Variants in NKAIN3 observed in about 807,000 individuals in gnomAD.
The protein encoded by NKAIN3 is sodium/potassium-transporting ATPase subunit beta-1-interacting protein 3.
In NKAIN3, 25 loss-of-function variants were observed where a neutral mutation model predicts 30.2. The ratio of observed to expected loss-of-function variants is 0.83; its 90% CI spans 0.60 to 1.16. The LOEUF (loss-of-function observed/expected upper bound fraction) is 1.16, where lower values mean the gene tolerates loss of function less well. NKAIN3 is among the 50% of genes most tolerant of loss of function. NKAIN3 has a pLI of 0.00. For synonymous variants in NKAIN3, 91 were observed against 89.6 expected, an observed-to-expected ratio of 1.02 and a Z score of -0.09; for missense variants, 225 against 254.1, an observed-to-expected ratio of 0.89 and a Z score of 0.78.
chr8:62,742,798 G>A (rs914415318), intron 3 of NKAIN3, among the ~76,000 whole-genome samples: 2 of 152,160 alleles, frequency 1.3e-5, no homozygotes, highest in Admixed American at 1.3e-4. Flanking sequence ...TGCTAATAAA[G>A]ACATTCTAGA....
intron 1 of NKAIN3, among the ~76,000 whole-genome samples, chr8:62,528,604 G>A (rs1018072421): frequency 6.6e-6 from 1 of 151,808 alleles, no homozygotes; most frequent in Non-Finnish European, 1.5e-5. Context: ...TAGACATCTT[G>A]TAACCAGGAG....
chr8:62,901,656 G>A (rs189400597), intron 4 of NKAIN3, among the ~76,000 whole-genome samples: 99 of 152,246 alleles, frequency 6.5e-4, no homozygotes, highest in African/African-American at 2.2e-3. Flanking sequence ...GGACTTTTAC[G>A]TACGTCCCGC....
At chr8:62,518,885 C>T (rs186338485) in intron 1 of NKAIN3, among the ~76,000 whole-genome samples, 62 of 152,140 alleles carry the variant, frequency 4.1e-4, no homozygotes, top group African/African-American at 1.3e-3. Flanking sequence ...TTAGAAGTGG[C>T]GTTAATGCCT....
intron 5 of NKAIN3, among the ~76,000 whole-genome samples, chr8:62,943,060 C>T (rs1285669390): frequency 6.6e-6 from 1 of 152,106 alleles, no homozygotes; most frequent in Non-Finnish European, 1.5e-5. Context: ...TAAAAAGTTT[C>T]TTCACAGCAA....
intron 3 of NKAIN3, among the ~76,000 whole-genome samples, chr8:62,612,854 T>C (rs1811337721): frequency 6.6e-6 from 1 of 152,122 alleles, no homozygotes; most frequent in African/African-American, 2.4e-5. Flanking sequence ...GATAACAACT[T>C]AATACTATTT....
At position 62,984,582 on chromosome 8, in the gene NKAIN3, T is replaced by G. The variant is rs1030784932; in HGVS notation, c.*19175T>G. 6.6e-6 allele frequency: 1 copy of G among 152,218 alleles called. No homozygotes were observed. Among genetic ancestry groups the G allele is most frequent in the Admixed American group, 6.5e-5 (1 of 15,280 alleles). 9.4% of individuals were successfully genotyped at this position (152,218 alleles called of 1,614,324 possible). A position where few individuals can be genotyped will look rare whatever the true frequency, so the allele number is the denominator to read the frequency against. The stretch of plus-strand genomic sequence containing the variant: ...AACTTCTTTTCTACAGATGTTTGAC[T>G]TATGAGATGAATTAATTGAAAAAGT... On this transcript the variant is annotated 3_prime_UTR_variant, in exon 7 of 7. Transcript: ENST00000623646.
intron 1 of NKAIN3, among the ~76,000 whole-genome samples, chr8:62,285,331 G>C (rs1437917408): frequency 1.3e-5 from 2 of 152,156 alleles, no homozygotes; most frequent in South Asian, 4.1e-4. Context: ...AATGTATACT[G>C]TGCTTACCTA....
rs59854103 is a variant in NKAIN3, at chr8:62,932,995, AAC to A, written c.532+14515_532+14516del. Among the ~76,000 whole-genome samples the A allele has an allele frequency of 2.4e-3, 346 of 141,716 alleles. 2 individuals are homozygous for A. The highest frequency in any genetic ancestry group is 4.2e-3 in the African/African-American group (155 of 37,180). The allele number at this position is 141,716 out of a possible 152,430, so 93.0% of individuals were successfully genotyped here. A position where few individuals can be genotyped will look rare whatever the true frequency, so the allele number is the denominator to read the frequency against. On this transcript the variant is annotated intron_variant, in intron 5 of 6. Transcript: ENST00000623646. ...TAACTACCCCAAGCCTCACTCAATGAACACACACACACACACACACACACACA... is the reference window on the plus strand; with the variant it reads ...TAACTACCCCAAGCCTCACTCAATGAACACACACACACACACACACACACA...
At chr8:62,677,816 C>T (rs1376620184) in intron 3 of NKAIN3, among the ~76,000 whole-genome samples, 2 of 152,308 alleles carry the variant, frequency 1.3e-5, no homozygotes, top group East Asian at 3.9e-4. Context: ...GTCTAGGACT[C>T]CTCCTTAGGC....
chr8:62,423,731 A>G (rs907375712), intron 1 of NKAIN3, among the ~76,000 whole-genome samples: 1 of 151,986 alleles, frequency 6.6e-6, no homozygotes, highest in Non-Finnish European at 1.5e-5. Context: ...TGAAATTATC[A>G]TGGCCCCTTC....
At chr8:62,844,950 G>T (rs1005546340) in intron 4 of NKAIN3, among the ~76,000 whole-genome samples, 1 of 151,912 alleles carries the variant, frequency 6.6e-6, no homozygotes, top group African/African-American at 2.4e-5. Context: ...CTAGTGCTCT[G>T]CACCCTCCCG....
At chr8:62,669,777 A>G (rs1813242522) in intron 3 of NKAIN3, among the ~76,000 whole-genome samples, 2 of 152,144 alleles carry the variant, frequency 1.3e-5, no homozygotes, top group African/African-American at 4.8e-5. Context: ...AAACCCACTG[A>G]GTATTTAGAT....
chr8:62,660,479 C>T (rs1812910989), intron 3 of NKAIN3, among the ~76,000 whole-genome samples: 1 of 151,594 alleles, frequency 6.6e-6, no homozygotes, highest in South Asian at 2.1e-4. Context: ...GTGAAGAGCC[C>T]AATTACACCT....
chr8:62,733,637 A>G (rs1270967499), intron 3 of NKAIN3, among the ~76,000 whole-genome samples: 1 of 152,096 alleles, frequency 6.6e-6, no homozygotes, highest in African/African-American at 2.4e-5. Flanking sequence ...ACCATTCATT[A>G]AGTTTGAAAA....
chr8:62,457,837 G>A (rs1435601989), intron 1 of NKAIN3, among the ~76,000 whole-genome samples: 1 of 152,084 alleles, frequency 6.6e-6, no homozygotes, highest in Non-Finnish European at 1.5e-5. Flanking sequence ...ACAGACATTA[G>A]CATCTGCTTG....
At chr8:62,903,864 C>T (rs929312205) in intron 4 of NKAIN3, among the ~76,000 whole-genome samples, 6 of 152,098 alleles carry the variant, frequency 3.9e-5, no homozygotes, top group Non-Finnish European at 8.8e-5. Flanking sequence ...CCTGATAAAA[C>T]CACAAGATCT....
At chr8:62,736,819 C>T (rs563465497) in intron 3 of NKAIN3, among the ~76,000 whole-genome samples, 8 of 152,210 alleles carry the variant, frequency 5.3e-5, no homozygotes, top group Non-Finnish European at 1.2e-4. Context: ...AGACACAGGA[C>T]CCCAGTGAGA....
intron 1 of NKAIN3, among the ~76,000 whole-genome samples, chr8:62,379,336 A>T (rs1817196323): frequency 6.6e-6 from 1 of 152,128 alleles, no homozygotes; most frequent in Non-Finnish European, 1.5e-5. Context: ...TTGAGTTAAT[A>T]CTGGAATGAG....
chr8:62,764,310 A>G (rs1370316205), intron 4 of NKAIN3, among the ~76,000 whole-genome samples: 1 of 152,170 alleles, frequency 6.6e-6, no homozygotes, highest in East Asian at 1.9e-4. Flanking sequence ...TTATTTCTAT[A>G]TATGAAGAAA....
Sources: gnomAD v4.1 joint callset for allele counts (sites outside exome capture counted in the v4.1 genomes callset) on GRCh38, gnomAD v4.1.1 for gene constraint, MANE v1.5 for transcripts, NCBI Gene and HGNC (gene_info 2026-07-23, HGNC 2026-07-21) for gene names.